DCC: variants seen among roughly 807,000 people sequenced by gnomAD.
DCC encodes the protein netrin receptor DCC.
A neutral mutation model predicts 172.5 loss-of-function variants in DCC; 58 were observed. The observed-to-expected ratio is 0.34, with a 90% confidence interval of 0.27 to 0.42. The LOEUF (loss-of-function observed/expected upper bound fraction) is 0.42, where lower values mean the gene tolerates loss of function less well. DCC is among the 10% of genes least tolerant of loss of function. The pLI is 1.00. For missense variants in DCC, 1,740 were observed against 1,791.0 expected, an observed-to-expected ratio of 0.97 and a Z score of 0.51; for synonymous variants, 709 against 644.5, an observed-to-expected ratio of 1.10 and a Z score of -1.52.
At chr18:52,788,496 T>C (rs1288897410) in intron 2 of DCC, among the ~76,000 whole-genome samples, 2 of 152,192 alleles carry the variant, frequency 1.3e-5, no homozygotes, top group African/African-American at 4.8e-5. Flanking sequence ...GACCACCTTT[T>C]TGCATTTTGA....
In DCC at chr18:53,416,120, G is replaced by A. The variant is rs779149027; in HGVS notation, c.3131-4G>A. The A allele has an allele frequency of 5.6e-6, 9 of 1,607,180 alleles. No homozygotes were observed. Among genetic ancestry groups the A allele is most frequent in the Middle Eastern group, 1.7e-4 (1 of 6,046 alleles). On this transcript the variant is annotated splice_region_variant and splice_polypyrimidine_tract_variant and intron_variant, in intron 20 of 28. Transcript: ENST00000442544. Reference sequence around the variant, plus strand: ...TAATAATGTTATTTCTTTTTCCCCCGCAGTGGAACACCCTGACAAAATGGC... The same window carrying A: ...TAATAATGTTATTTCTTTTTCCCCCACAGTGGAACACCCTGACAAAATGGC...
At chr18:52,366,787 T>C (rs531466139) in intron 1 of DCC, among the ~76,000 whole-genome samples, 2 of 152,272 alleles carry the variant, frequency 1.3e-5, no homozygotes, top group African/African-American at 4.8e-5. Flanking sequence ...ATCCCTGAGC[T>C]AGACATAAAG....
intron 7 of DCC, among the ~76,000 whole-genome samples, chr18:53,156,148 TCTA>T (rs1372588806): frequency 6.6e-6 from 1 of 152,166 alleles, no homozygotes; most frequent in Non-Finnish European, 1.5e-5. Context: ...CTGTATCTTT[TCTA>T]CTATGAAACA....
In DCC at chr18:52,923,711, A is replaced by G; in HGVS notation, c.702A>G (p.Pro234=). 6.2e-7 allele frequency: 1 copy of G among 1,604,456 alleles called. No individual in the cohort carries two copies. Among genetic ancestry groups the G allele is most frequent in the Non-Finnish European group, 8.5e-7 (1 of 1,171,386 alleles). The change falls in exon 4 of 29, where the codon CCA becomes CCG. Residue 234 remains proline (P), a synonymous_variant. Transcript: ENST00000442544. ...NEAEVRILSD[P]GLHRQLYFLQ... ...TACTGTGTTTTCCCCTCATAGATCC[A>G]GGACTGCATAGACAGCTGTATTTTC...
At chr18:53,449,361 G>A (rs548778081) in intron 22 of DCC, among the ~76,000 whole-genome samples, 1 of 152,214 alleles carries the variant, frequency 6.6e-6, no homozygotes, top group African/African-American at 2.4e-5. Flanking sequence ...TTCTTATTTA[G>A]CAAGTAACTC....
chr18:53,360,757 A>G (rs10502969), intron 15 of DCC, among the ~76,000 whole-genome samples: 1 of 152,102 alleles, frequency 6.6e-6, no homozygotes, highest in African/African-American at 2.4e-5. Flanking sequence ...ATAGCATAGA[A>G]TATTACTGAA....
At chr18:52,671,027 C>T (rs2035542512) in intron 1 of DCC, among the ~76,000 whole-genome samples, 1 of 152,094 alleles carries the variant, frequency 6.6e-6, no homozygotes, top group Non-Finnish European at 1.5e-5. Context: ...GGAGTTTTTT[C>T]CCCTCATGTT....
chr18:52,544,729 TATAG>T (rs937635807), intron 1 of DCC, among the ~76,000 whole-genome samples: 4 of 152,144 alleles, frequency 2.6e-5, no homozygotes, highest in East Asian at 1.9e-4. Context: ...TATAGATAGA[TATAG>T]ATAGATAGAT....
chr18:53,503,360 TTATGGTGTTTC>T, intron 27 of DCC, among the ~76,000 whole-genome samples: 1 of 152,186 alleles, frequency 6.6e-6, no homozygotes, highest in South Asian at 2.1e-4. Flanking sequence ...TCTAGGGTAT[TTATGGTGTTTC>T]TTACAATTTC....
At chr18:53,128,830 TACACACACACAC>T (rs1209652447) in intron 7 of DCC, among the ~76,000 whole-genome samples, 7 of 86,964 alleles carry the variant, frequency 8.0e-5, no homozygotes, top group East Asian at 2.9e-4. Flanking sequence ...TGTATACACA[TACACACACACAC>T]ACACACACAC....
At chr18:53,339,439 AG>A (rs1188064780) in intron 14 of DCC, among the ~76,000 whole-genome samples, 1 of 152,204 alleles carries the variant, frequency 6.6e-6, no homozygotes, top group Non-Finnish European at 1.5e-5. Flanking sequence ...AAAGAAAAAA[AG>A]CCCAAGTAAG....
chr18:52,894,707 G>T (rs1045757059), intron 2 of DCC, among the ~76,000 whole-genome samples: 1 of 151,880 alleles, frequency 6.6e-6, no homozygotes. Context: ...GAAAGTTCCA[G>T]TTCAAGTCTC....
chr18:53,456,498 C>G (rs564619291), intron 23 of DCC, among the ~76,000 whole-genome samples: 1 of 152,302 alleles, frequency 6.6e-6, no homozygotes, highest in African/African-American at 2.4e-5. Flanking sequence ...ATGAAATACT[C>G]TATGTCAAAT....
intron 1 of DCC, among the ~76,000 whole-genome samples, chr18:52,548,356 G>A (rs1279464012): frequency 6.6e-6 from 1 of 152,050 alleles, no homozygotes; most frequent in Non-Finnish European, 1.5e-5. Flanking sequence ...CAGTGCTGGG[G>A]TAAACAACCA....
chr18:53,134,018 G>A (rs1185208591), intron 7 of DCC, among the ~76,000 whole-genome samples: 1 of 152,166 alleles, frequency 6.6e-6, no homozygotes, highest in Non-Finnish European at 1.5e-5. Context: ...GGTTAATGGA[G>A]TCAGATGGGG....
At chr18:52,686,003 T>G (rs1174720454) in intron 1 of DCC, among the ~76,000 whole-genome samples, 1 of 152,164 alleles carries the variant, frequency 6.6e-6, no homozygotes, top group Non-Finnish European at 1.5e-5. Context: ...AAGACAATTC[T>G]GCTTCAATGT....
intron 1 of DCC, among the ~76,000 whole-genome samples, chr18:52,549,260 A>G (rs2032697895): frequency 6.6e-6 from 1 of 152,072 alleles, no homozygotes; most frequent in Non-Finnish European, 1.5e-5. Flanking sequence ...TCCTGATGTG[A>G]CAACTAGAGA....
chr18:52,930,354 G>A (rs974958587), intron 5 of DCC, among the ~76,000 whole-genome samples: 3 of 152,092 alleles, frequency 2.0e-5, no homozygotes, highest in Non-Finnish European at 4.4e-5. Flanking sequence ...AGCTACTCAG[G>A]AATCTGAAGG....
At chr18:53,002,313 C>A (rs1430702088) in intron 5 of DCC, among the ~76,000 whole-genome samples, 3 of 152,022 alleles carry the variant, frequency 2.0e-5, no homozygotes, top group Non-Finnish European at 2.9e-5. Context: ...TGTCAAATTT[C>A]AAAATAAAAT....
Sources: gnomAD v4.1 joint callset for allele counts (sites outside exome capture counted in the v4.1 genomes callset) on GRCh38, gnomAD v4.1.1 for gene constraint, MANE v1.5 for transcripts, NCBI Gene and HGNC (gene_info 2026-07-23, HGNC 2026-07-21) for gene names.